The following TBL1X variants were observed in gnomAD, a reference collection of about 807,000 sequenced individuals.
TBL1X encodes transducin beta like 1 X-linked, also known as F-box-like/WD repeat-containing protein TBL1X.
Under a neutral mutation model 50.7 loss-of-function variants are expected in TBL1X, and 10 were observed. The observed-to-expected ratio is 0.20, with a 90% CI of 0.12 to 0.33. TBL1X has a LOEUF of 0.33. Ranked by LOEUF, TBL1X falls within the 10% of genes least tolerant of loss-of-function variation. The pLI is 1.00. For missense variants in TBL1X, 340 were observed against 504.4 expected (o/e 0.67, Z 3.12); for synonymous variants, 190 against 214.7 (o/e 0.88, Z 1.01).
chrX:9,593,682 A>C (rs929847562), intron 2 of TBL1X, among the ~76,000 whole-genome samples: 3 of 110,565 alleles, frequency 2.7e-5, no homozygotes, highest in African/African-American at 9.9e-5. Flanking sequence ...TCCTCCACCC[A>C]GTGCCCTTTC....
intron 1 of TBL1X, among the ~76,000 whole-genome samples, chrX:9,474,656 C>G (rs2146926945): frequency 8.8e-6 from 1 of 113,114 alleles, no homozygotes; most frequent in South Asian, 3.6e-4. Flanking sequence ...TGGAACAATG[C>G]TATGCTTTTT....
chrX:9,566,293 A>G (rs2283688), intron 2 of TBL1X, among the ~76,000 whole-genome samples: 47,756 of 110,722 alleles, frequency 0.43, 8,685 homozygotes, highest in Admixed American at 0.59. Context: ...ACATTGCCCA[A>G]TGTTTCCTGG....
chrX:9,644,816 C>T (rs1184204379), intron 3 of TBL1X: 1 of 111,305 alleles, frequency 9.0e-6, no homozygotes, highest in Non-Finnish European at 1.9e-5. Context: ...CCACAACGCC[C>T]AGTTAATTTT....
At chrX:9,476,283 C>T in intron 1 of TBL1X, among the ~76,000 whole-genome samples, 1 of 111,936 alleles carries the variant, frequency 8.9e-6, no homozygotes, top group Non-Finnish European at 1.9e-5. Context: ...CCTTATCTGA[C>T]TCCACAGCCC....
rs778074741 is a variant in TBL1X, at chrX:9,670,308, A to G, written c.212-13735A>G. On this transcript the variant is annotated intron_variant, in intron 5 of 17. Coordinates refer to ENST00000645353, the MANE Select transcript of TBL1X (RefSeq NM_005647.4). ...CCCCCCTACTGAGGAATGACTCAGC[A>G]TAAGAGGACAGCTACAATTCCCTAT... 5.4e-5 allele frequency among the ~76,000 whole-genome samples: 6 copies of G among 110,873 alleles called. No homozygotes were observed. In the South Asian group the frequency reaches 2.3e-3, roughly 43 times the overall value.
intron 2 of TBL1X, among the ~76,000 whole-genome samples, chrX:9,581,100 T>C (rs1420060007): frequency 1.8e-5 from 2 of 111,843 alleles, no homozygotes; most frequent in African/African-American, 3.3e-5. Context: ...GTCATTGTTA[T>C]TAAAAAACTA....
At chrX:9,565,005 T>C (rs1170498837) in intron 2 of TBL1X, among the ~76,000 whole-genome samples, 1 of 110,173 alleles carries the variant, frequency 9.1e-6, no homozygotes, top group Non-Finnish European at 1.9e-5. Flanking sequence ...GTGCGGTGGC[T>C]CACGCCTGTA....
intron 2 of TBL1X, among the ~76,000 whole-genome samples, chrX:9,516,018 C>G (rs1408104447): frequency 9.0e-6 from 1 of 110,667 alleles, no homozygotes; most frequent in Non-Finnish European, 1.9e-5. Context: ...ATAAACCTGT[C>G]AAAAAAGGGT....
At chrX:9,495,575 G>T (rs954279626) in intron 1 of TBL1X, among the ~76,000 whole-genome samples, 11 of 111,443 alleles carry the variant, frequency 9.9e-5, no homozygotes, top group African/African-American at 3.3e-4. Context: ...TCACAATGTT[G>T]TTGTCAAGCA....
chrX:9,504,902 A>G (rs2082018679), intron 2 of TBL1X, among the ~76,000 whole-genome samples: 1 of 112,021 alleles, frequency 8.9e-6, no homozygotes, highest in South Asian at 3.8e-4. Context: ...GGTATTATCC[A>G]GGAGAACTTC....
intron 2 of TBL1X, among the ~76,000 whole-genome samples, chrX:9,638,609 G>A (rs1162551913): frequency 8.9e-6 from 1 of 111,779 alleles, no homozygotes; most frequent in Non-Finnish European, 1.9e-5. Context: ...CTCATTTGTG[G>A]GTTACCATCT....
intron 9 of TBL1X, among the ~76,000 whole-genome samples, 199 bp downstream of exon 9, chrX:9,692,453 G>A (rs1044919337): frequency 2.7e-5 from 3 of 112,015 alleles, no homozygotes; most frequent in Admixed American, 9.4e-5. Flanking sequence ...TGTTGCCCAG[G>A]CTGGAATGCA....
chrX:9,665,244 T>C (rs2082920550), intron 5 of TBL1X, among the ~76,000 whole-genome samples: 1 of 107,325 alleles, frequency 9.3e-6, no homozygotes, highest in Non-Finnish European at 1.9e-5. Flanking sequence ...TGGCAGATAA[T>C]AAAATAATTG....
chrX:9,525,401 A>T (rs1346837987), intron 2 of TBL1X, among the ~76,000 whole-genome samples: 1 of 112,054 alleles, frequency 8.9e-6, no homozygotes, highest in East Asian at 2.8e-4. Flanking sequence ...TATTTGGACA[A>T]ATTTCTCCAT....
intron 1 of TBL1X, among the ~76,000 whole-genome samples, chrX:9,470,784 A>G (rs1463106257): frequency 9.0e-6 from 1 of 110,541 alleles, no homozygotes; most frequent in African/African-American, 3.3e-5. Context: ...ACAGGCATGC[A>G]CCACCATGCC....
intron 2 of TBL1X, among the ~76,000 whole-genome samples, chrX:9,512,041 T>G (rs184429278): frequency 1.6e-3 from 172 of 110,920 alleles, no homozygotes; most frequent in Middle Eastern, 9.1e-3. Flanking sequence ...TATTTTTTTG[T>G]AGAGATGGGG....
chrX:9,556,321 C>T (rs946190845), intron 2 of TBL1X, among the ~76,000 whole-genome samples: 1 of 110,991 alleles, frequency 9.0e-6, no homozygotes, highest in Non-Finnish European at 1.9e-5. Flanking sequence ...CTGTAACAAA[C>T]TACCACAAAC....
At chrX:9,699,164 A>G (rs1378049790) in intron 12 of TBL1X, among the ~76,000 whole-genome samples, 1 of 111,321 alleles carries the variant, frequency 9.0e-6, no homozygotes, top group Non-Finnish European at 1.9e-5. Flanking sequence ...TATTTTTAGT[A>G]GAAACGGGGT....
Position 9,697,362 on chromosome X carries a change from A to G in TBL1X, c.1054-7A>G, listed in dbSNP as rs2083138022. ...TACTAACTTTTTCCTTTGTTTGCGG[A>G]ACACAGACAACAATAATTTGGGATG... On this transcript the variant is annotated splice_polypyrimidine_tract_variant and splice_region_variant and intron_variant, in intron 11 of 17. Transcript: ENST00000645353. The G allele has an allele frequency of 8.3e-7, 1 of 1,208,584 alleles. No homozygotes were observed. The highest frequency in any genetic ancestry group is 1.8e-5 in the South Asian group (1 of 56,006).
Sources: gnomAD v4.1 joint callset for allele counts (sites outside exome capture counted in the v4.1 genomes callset) on GRCh38, gnomAD v4.1.1 for gene constraint, MANE v1.5 for transcripts, NCBI Gene and HGNC (gene_info 2026-07-23, HGNC 2026-07-21) for gene names.